Variants in WNK2 observed in about 807,000 individuals in gnomAD.
WNK2 encodes the protein WNK lysine deficient protein kinase 2.
Under a neutral mutation model 192.1 loss-of-function variants are expected in WNK2, and 67 were observed. The ratio of observed to expected loss-of-function variants is 0.35; its 90% confidence interval spans 0.29 to 0.43. The LOEUF (loss-of-function observed/expected upper bound fraction) is 0.43. Among genes scored for constraint, WNK2 ranks in the 20% least tolerant of loss-of-function variants. WNK2 has a pLI of 1.00. For synonymous variants in WNK2, 1,439 were observed against 1,393.9 expected, an observed-to-expected ratio of 1.03 and a Z score of -0.72; for missense variants, 2,698 against 3,089.7, an observed-to-expected ratio of 0.87 and a Z score of 3.01.
rs1845037145 is a variant in WNK2, at chr9:93,265,625, G to C, written c.3696+1592G>C. Among the ~76,000 whole-genome samples the C allele has an allele frequency of 2.0e-5, 3 of 152,242 alleles. No individual in the cohort carries two copies. The South Asian group carries it at 6.2e-4, about 32-fold the overall frequency. On this transcript the variant is annotated intron_variant, in intron 16 of 29. Transcript: ENST00000427277. ...TCATCTTACTGTGTTTTAAACCTGT[G>C]TCTTGTATTACTTTATACACATGTG...
rs1246389901 is a variant in WNK2, at chr9:93,308,543, G to A, written c.6475G>A (p.Glu2159Lys). ...LKQTQKLQDM[E>K]AQAGWAAPGE... is the part of the protein sequence containing the mutation. ...GCAGACCCAGAAGCTGCAAGACATG[G>A]AGGCCCAGGCAGGCTGGGCTGCCCC... The change falls in exon 28 of 30, where the codon GAG (glutamate) becomes AAG (lysine). Residue 2159 changes from glutamate to lysine, a missense_variant. Transcript: ENST00000427277. 3 of 1,603,236 alleles carry A rather than the reference G, an allele frequency of 1.9e-6. No individual in the cohort carries two copies. Among genetic ancestry groups the A allele is most frequent in the Admixed American group, 1.7e-5 (1 of 58,670 alleles).
chr9:93,289,573 G>T lies in WNK2; in HGVS notation c.4819G>T (p.Val1607Leu), dbSNP rs774920599. The change falls in exon 20 of 30, where the codon GTG (valine) becomes TTG (leucine). Residue 1607 changes from valine (V) to leucine (L), a missense_variant. Transcript: ENST00000427277. The part of the protein sequence containing the change: ...VCGGDLALPP[V>L]PKEAVSGRVQ... The stretch of plus-strand genomic sequence containing the variant: ...CGGGGGGGACCTGGCCCTGCCCCCA[G>T]TGCCTAAGGAGGCGGTCTCAGGGCG... The T allele has an allele frequency of 9.2e-6, 14 of 1,530,030 alleles. No homozygotes were observed. The allele number at this position is 1,530,030 out of a possible 1,614,324, so 94.8% of individuals were successfully genotyped here.
intron 2 of WNK2, among the ~76,000 whole-genome samples, chr9:93,226,498 A>G (rs914342525): frequency 6.6e-6 from 1 of 151,982 alleles, no homozygotes; most frequent in Non-Finnish European, 1.5e-5. Context: ...TGATTTACAT[A>G]TAATGAAACA....
intron 4 of WNK2, among the ~76,000 whole-genome samples, chr9:93,233,624 G>A (rs1839281119): frequency 6.6e-6 from 1 of 151,448 alleles, no homozygotes; most frequent in Non-Finnish European, 1.5e-5. Context: ...CTTGAACCTG[G>A]GTGGGAGATG....
In WNK2 at chr9:93,229,622, G is replaced by T; in HGVS notation, c.682-74G>T. On this transcript the variant is annotated intron_variant, in intron 2 of 29. Transcript: ENST00000427277. This position sits in a 1 kb window ranked among gnomAD's most constrained non-coding sequence, Gnocchi z 4.9. ...AGGGCTGGTCCTACTGTGTGGCGCT[G>T]CTGGGATGTGACGCCACCGTGTCCC... 2 of 1,515,276 alleles carry T rather than the reference G, an allele frequency of 1.3e-6. No homozygotes were observed. Among genetic ancestry groups the T allele is most frequent in the Non-Finnish European group, 8.9e-7 (1 of 1,122,088 alleles). The allele number at this position is 1,515,276 out of a possible 1,614,324, so 93.9% of individuals were successfully genotyped here.
In WNK2 at chr9:93,229,892, G is replaced by C; in HGVS notation, c.854+24G>C. The C allele has an allele frequency of 6.2e-7, 1 of 1,608,306 alleles. No homozygotes were observed. Among genetic ancestry groups the C allele is most frequent in the Non-Finnish European group, 8.5e-7 (1 of 1,176,652 alleles). On this transcript the variant is annotated intron_variant, in intron 3 of 29. Transcript: ENST00000427277. The surrounding 1 kb of genome is among the most constrained non-coding windows in gnomAD (Gnocchi z 4.9). ...ACGTAAGCTCCGCTTCCTGAGGGCT[G>C]GGGCGGGTCCTGGCATGGGTGCAGG...
At chr9:93,295,974 CTCACCATCCTCCCT>C (rs1850267909) in intron 23 of WNK2, among the ~76,000 whole-genome samples, 1 of 142,930 alleles carries the variant, frequency 7.0e-6, no homozygotes, top group Admixed American at 6.9e-5. Context: ...CCATCCTCCC[CTCACCATCCTCCCT>C]TCACCTTCCT....
intron 19 of WNK2, among the ~76,000 whole-genome samples, chr9:93,273,298 C>T (rs937684113): frequency 6.6e-6 from 1 of 152,196 alleles, no homozygotes; most frequent in Non-Finnish European, 1.5e-5. Context: ...GCTAGGACTG[C>T]AGGCACACAC....
Position 93,229,270 on chromosome 9 carries a change from C to T in WNK2, c.682-426C>T, listed in dbSNP as rs1353855757. ...TTATCTCAGTCACCTGTCCACGTCT[C>T]CTCTGTTCTAATCCACTGGGCCCTG... is the stretch of plus-strand genomic sequence containing the variant. On this transcript the variant is annotated intron_variant, in intron 2 of 29. Coordinates refer to ENST00000427277, the MANE Select transcript of WNK2 (RefSeq NM_006648.4). This position sits in a 1 kb window ranked among gnomAD's most constrained non-coding sequence, Gnocchi z 4.9. 6.6e-6 allele frequency among the ~76,000 whole-genome samples: 1 copy of T among 152,162 alleles called. No individual in the cohort carries two copies.
intron 10 of WNK2, 25 bp from the exon 11 acceptor site, chr9:93,256,923 G>A (rs1440555218): frequency 6.5e-7 from 1 of 1,535,298 alleles, no homozygotes. Context: ...GGTGGTCTAA[G>A]GGGAGCTACC....
At chr9:93,253,117 T>C in intron 9 of WNK2, 35 bp downstream of exon 9, 4 of 1,354,130 alleles carry the variant, frequency 3.0e-6, no homozygotes, top group Non-Finnish European at 2.8e-6. Flanking sequence ...CCCTTCCCCA[T>C]CCCCATTACC....
intron 19 of WNK2, among the ~76,000 whole-genome samples, chr9:93,280,601 G>A (rs1031029264): frequency 6.6e-6 from 1 of 152,096 alleles, no homozygotes; most frequent in Non-Finnish European, 1.5e-5. Context: ...AAACGGCTTA[G>A]GTGTCTATCC....
chr9:93,308,199 A>G, intron 27 of WNK2, 129 bp from the exon 28 acceptor site: 3 of 1,444,976 alleles, frequency 2.1e-6, no homozygotes, highest in Non-Finnish European at 2.7e-6. Context: ...CGCCTCTTGA[A>G]GCAAGGTGCT....
In WNK2 at chr9:93,185,397, G is replaced by C; in HGVS notation, c.468G>C (p.Glu156Asp). 6.2e-7 allele frequency: 1 copy of C among 1,602,922 alleles called. No individual in the cohort carries two copies. Among genetic ancestry groups the C allele is most frequent in the Non-Finnish European group, 8.5e-7 (1 of 1,176,072 alleles). ...EAAATVRKEDEGAAEAKPEPG... is the reference protein window; with the variant it reads ...EAAATVRKEDDGAAEAKPEPG... ...CGGCGACCGTGAGGAAGGAGGATGA[G>C]GGGGCGGCCGAGGCGAAGCCTGAGC... The change falls in exon 2 of 30, where the codon GAG becomes GAC. Residue 156 changes from glutamate (E) to aspartate (D), a missense_variant. By Grantham distance (45) the Glu-to-Asp change is conservative. Transcript: ENST00000427277.
chr9:93,291,936 A>G (rs973328336), intron 21 of WNK2, among the ~76,000 whole-genome samples: 1 of 152,144 alleles, frequency 6.6e-6, no homozygotes, highest in Admixed American at 6.5e-5. Flanking sequence ...AGCCCCATTG[A>G]TCTGCGCTGT....
chr9:93,211,305 T>C (rs1432899848), intron 2 of WNK2, among the ~76,000 whole-genome samples: 16 of 129,414 alleles, frequency 1.2e-4, no homozygotes, highest in South Asian at 5.3e-4. Context: ...CAGTCACTCA[T>C]TCACTCACTC....
intron 7 of WNK2, among the ~76,000 whole-genome samples, chr9:93,245,226 C>T (rs1224844437): frequency 6.6e-6 from 1 of 152,224 alleles, no homozygotes; most frequent in Non-Finnish European, 1.5e-5. Flanking sequence ...TGACCTGATT[C>T]CCCTGAAGCC....
At chr9:93,238,980 G>A (rs921891614) in intron 6 of WNK2, among the ~76,000 whole-genome samples, 1 of 152,106 alleles carries the variant, frequency 6.6e-6, no homozygotes, top group Non-Finnish European at 1.5e-5. Context: ...GTGGATACTC[G>A]AAACTACACA....
intron 28 of WNK2, among the ~76,000 whole-genome samples, chr9:93,311,613 T>TGTGTGTGTGTG (rs1853656307): frequency 3.5e-4 from 51 of 146,190 alleles, no homozygotes; most frequent in South Asian, 1.1e-3. Context: ...GTTTTTTTGT[T>TGTGTGTGTGTG]TGTGTGTGTG....
Sources: gnomAD v4.1 joint callset for allele counts (sites outside exome capture counted in the v4.1 genomes callset) on GRCh38, gnomAD v4.1.1 for gene constraint, Gnocchi (gnomAD v3.1) non-coding constraint, MANE v1.5 for transcripts, NCBI Gene and HGNC (gene_info 2026-07-23, HGNC 2026-07-21) for gene names.